Variants in PI15 observed in about 807,000 individuals in gnomAD.
PI15 encodes peptidase inhibitor 15.
A neutral mutation model predicts 31.0 loss-of-function variants in PI15; 18 were observed. The observed-to-expected ratio is 0.58, with a 90% confidence interval of 0.40 to 0.86. The LOEUF (loss-of-function observed/expected upper bound fraction) is 0.86. Among genes scored for constraint, PI15 ranks in the 40% least tolerant of loss-of-function variants. The pLI is 0.00. For missense variants in PI15, 282 were observed against 328.1 expected (o/e 0.86, Z 1.09); for synonymous variants, 118 against 119.1 (o/e 0.99, Z 0.06).
rs753179132 is a variant in PI15 at position 74,825,215 on chromosome 8, T to C, written c.-35T>C. 5.0e-6 allele frequency: 8 copies of C among 1,605,364 alleles called. No individual in the cohort carries two copies. Among genetic ancestry groups the C allele is most frequent in the Admixed American group, 1.7e-5 (1 of 59,776 alleles). On this transcript the variant is annotated 5_prime_UTR_variant, in exon 2 of 6. Transcript: ENST00000260113. Reference sequence around the variant, plus strand: ...TCTACCTTTCTGCTTTAAAGCAAAGTAAACTCGGTGGCCTCTTCTTCTCCA... The same window carrying C: ...TCTACCTTTCTGCTTTAAAGCAAAGCAAACTCGGTGGCCTCTTCTTCTCCA...
chr8:74,845,135 T>A lies in PI15; in HGVS notation c.400T>A (p.Ser134Thr). 1.2e-6 allele frequency: 2 copies of A among 1,612,844 alleles called. No homozygotes were observed. The highest frequency in any genetic ancestry group is 2.2e-5 in the South Asian group (2 of 91,050). Reference sequence around the variant, plus strand: ...TCTTTTCTTTATATGCAGATATCGCTCTATTCTCCAGTTGGTCAAGCCATG... The same window carrying A: ...TCTTTTCTTTATATGCAGATATCGCACTATTCTCCAGTTGGTCAAGCCATG... ...NLSVRTGRYR[S>T]ILQLVKPWYD... is the part of the protein sequence containing the mutation. Residue 134 changes from serine (S) to threonine (T), a missense_variant, in exon 4 of 6, where the codon TCT (serine) becomes ACT (threonine). Ser to Thr is a moderately conservative substitution (Grantham distance 58). Coordinates refer to ENST00000260113, the MANE Select transcript of PI15 (RefSeq NM_015886.5).
Position 74,850,811 on chromosome 8 carries a change from A to G in PI15, c.*1558A>G, listed in dbSNP as rs1213477463. ...AGAGGAGAATACAACATCTTAGTCC[A>G]GACATTTAACATACTGCATTTCAAG... On this transcript the variant is annotated 3_prime_UTR_variant, in exon 6 of 6. Coordinates refer to ENST00000260113, the MANE Select transcript of PI15 (RefSeq NM_015886.5). The G allele has an allele frequency of 6.6e-6, 1 of 152,204 alleles. No individual in the cohort carries two copies. The highest frequency in any genetic ancestry group is 1.5e-5 in the Non-Finnish European group (1 of 68,022). 9.4% of individuals were successfully genotyped at this position (152,204 alleles called of 1,614,324 possible). A position where few individuals can be genotyped will look rare whatever the true frequency, so the allele number is the denominator to read the frequency against.
At chr8:74,846,068 T>C (rs1273707374) in intron 5 of PI15, 3 of 153,074 alleles carry the variant, frequency 2.0e-5, no homozygotes, top group Admixed American at 1.3e-4. Context: ...AAATGCCTCT[T>C]GATTACAATA....
intron 2 of PI15, among the ~76,000 whole-genome samples, chr8:74,836,968 T>A (rs1810881442): frequency 6.6e-6 from 1 of 152,016 alleles, no homozygotes; most frequent in Admixed American, 6.6e-5. Flanking sequence ...AGGAAAAGGG[T>A]TCAAGAGAGG....
At chr8:74,835,535 GAATT>G (rs1400850629) in intron 2 of PI15, among the ~76,000 whole-genome samples, 1 of 152,116 alleles carries the variant, frequency 6.6e-6, no homozygotes, top group Non-Finnish European at 1.5e-5. Flanking sequence ...TATACTGAAA[GAATT>G]AATAGGTTAA....
At chr8:74,836,382 G>T (rs1319779391) in intron 2 of PI15, among the ~76,000 whole-genome samples, 1 of 152,170 alleles carries the variant, frequency 6.6e-6, no homozygotes, top group East Asian at 1.9e-4. Flanking sequence ...GGGTAAGGTT[G>T]TGAATATTTG....
chr8:74,841,978 C>A (rs1186905105), intron 2 of PI15, among the ~76,000 whole-genome samples: 1 of 151,996 alleles, frequency 6.6e-6, no homozygotes, highest in Non-Finnish European at 1.5e-5. Context: ...TGAAAGTAGG[C>A]CTCCTGAGGT....
At chr8:74,830,110 CCTT>C (rs1212474558) in intron 2 of PI15, among the ~76,000 whole-genome samples, 4 of 151,996 alleles carry the variant, frequency 2.6e-5, no homozygotes, top group Non-Finnish European at 5.9e-5. Flanking sequence ...CAATGCCAAT[CCTT>C]CAGGCAAAGA....
intron 2 of PI15, among the ~76,000 whole-genome samples, chr8:74,842,659 T>C (rs964132692): frequency 1.3e-5 from 2 of 152,196 alleles, no homozygotes; most frequent in African/African-American, 4.8e-5. Context: ...GGTCTGCAAA[T>C]GCTAGACTTG....
At chr8:74,826,969 T>C (rs540790974) in intron 2 of PI15, among the ~76,000 whole-genome samples, 2 of 152,252 alleles carry the variant, frequency 1.3e-5, no homozygotes, top group Non-Finnish European at 2.9e-5. Flanking sequence ...TAGAAGGTGA[T>C]GTAAATATGT....
Position 74,850,226 on chromosome 8 carries a change from G to A in PI15, c.*973G>A, listed in dbSNP as rs1445590433. On this transcript the variant is annotated 3_prime_UTR_variant, in exon 6 of 6. Coordinates refer to ENST00000260113, the MANE Select transcript of PI15 (RefSeq NM_015886.5). ...TTAGTTACAGTGCTTGGAATGAGAA[G>A]GGGAAGGAAAGAATTAACAAATGCC... 6.6e-6 allele frequency: 1 copy of A among 152,178 alleles called. No homozygotes were observed. The highest frequency in any genetic ancestry group is 1.5e-5 in the Non-Finnish European group (1 of 68,048). 9.4% of individuals were successfully genotyped at this position (152,178 alleles called of 1,614,324 possible).
intron 2 of PI15, among the ~76,000 whole-genome samples, chr8:74,836,318 T>C (rs2128764619): frequency 6.6e-6 from 1 of 152,286 alleles, no homozygotes; most frequent in East Asian, 1.9e-4. Flanking sequence ...AGAAACGGCA[T>C]TGTCATTCAC....
At chr8:74,836,267 G>C (rs116638320) in intron 2 of PI15, among the ~76,000 whole-genome samples, 2 of 152,134 alleles carry the variant, frequency 1.3e-5, no homozygotes, top group African/African-American at 2.4e-5. Flanking sequence ...CAGTGGAGGT[G>C]ATGTGACCTG....
In PI15 at chr8:74,834,097, A is replaced by T. The variant is rs578223360; in HGVS notation, c.273+8575A>T. Among the ~76,000 whole-genome samples the T allele has an allele frequency of 3.9e-5, 6 of 152,266 alleles. No individual in the cohort carries two copies. The South Asian group carries it at 1.2e-3, about 32-fold the overall frequency. ...GATGGAACAGTTTCATCTCAAAATC[A>T]TCCCTTCCCACATTCCTCCCTGGAA... On this transcript the variant is annotated intron_variant, in intron 2 of 5. Coordinates refer to ENST00000260113, the MANE Select transcript of PI15 (RefSeq NM_015886.5).
At chr8:74,832,133 T>C (rs1024438981) in intron 2 of PI15, among the ~76,000 whole-genome samples, 7 of 152,116 alleles carry the variant, frequency 4.6e-5, no homozygotes, top group Admixed American at 2.0e-4. Flanking sequence ...CCGTGAAATA[T>C]GTAAGGTACA....
intron 2 of PI15, among the ~76,000 whole-genome samples, chr8:74,829,708 CTGCTGTATAAGAT>C (rs1196505263): frequency 2.6e-5 from 4 of 151,986 alleles, no homozygotes; most frequent in African/African-American, 9.7e-5. Context: ...GTATAATACA[CTGCTGTATAAGAT>C]TGATGTAATA....
chr8:74,830,248 T>C (rs1373315328), intron 2 of PI15, among the ~76,000 whole-genome samples: 2 of 151,262 alleles, frequency 1.3e-5, no homozygotes, highest in Non-Finnish European at 2.9e-5. Context: ...TGAGGGACAA[T>C]GTGAATATAA....
At chr8:74,848,714 A>AATATAT (rs148483473) in intron 5 of PI15, among the ~76,000 whole-genome samples, 20 of 142,782 alleles carry the variant, frequency 1.4e-4, no homozygotes, top group African/African-American at 5.2e-4. Context: ...AATATATATA[A>AATATAT]ATATATATAT....
Position 74,853,636 on chromosome 8 carries a change from A to G in PI15, c.*4383A>G, listed in dbSNP as rs1021512202. Reference sequence around the variant, plus strand: ...CAAATTCTTAATGGCTACTTGACCTACAGCAAAAGCCATTTCTGTACCATA... The same window carrying G: ...CAAATTCTTAATGGCTACTTGACCTGCAGCAAAAGCCATTTCTGTACCATA... On this transcript the variant is annotated 3_prime_UTR_variant, in exon 6 of 6. Transcript: ENST00000260113. The G allele has an allele frequency of 6.6e-6, 1 of 152,554 alleles. No individual in the cohort carries two copies. Among genetic ancestry groups the G allele is most frequent in the African/African-American group, 2.4e-5 (1 of 41,448 alleles). 9.5% of individuals were successfully genotyped at this position (152,554 alleles called of 1,614,324 possible). A position where few individuals can be genotyped will look rare whatever the true frequency, so the allele number is the denominator to read the frequency against.
Sources: allele counts gnomAD v4.1 joint callset (sites outside exome capture counted in the v4.1 genomes callset), GRCh38; gene constraint gnomAD v4.1.1; transcripts MANE v1.5; gene names NCBI Gene and HGNC (gene_info 2026-07-23, HGNC 2026-07-21).